The following MYH9 variants were observed in gnomAD, a reference collection of about 807,000 sequenced individuals.
MYH9 encodes the protein myosin-9.
Under a neutral mutation model 241.9 loss-of-function variants are expected in MYH9, and 29 were observed. The observed-to-expected ratio is 0.12, with a 90% CI of 0.09 to 0.16. MYH9 has a LOEUF of 0.16. MYH9 is among the 10% of genes least tolerant of loss of function. The probability of loss-of-function intolerance (pLI) is 1.00; values close to 1 mark genes in which losing one functional copy is unlikely to be tolerated. For missense variants in MYH9, 1,803 were observed against 2,595.5 expected, an observed-to-expected ratio of 0.69 and a Z score of 6.63; for synonymous variants, 1,047 against 1,062.6, an observed-to-expected ratio of 0.99 and a Z score of 0.29.
Position 36,295,214 on chromosome 22 carries a change from A to G in MYH9, c.3486-138T>C, listed in dbSNP as rs2016769871. ...GCTTTTCTACCCACCGGCCCCTCCT[A>G]GCCATCTATCCCATAGCCCAGGCTC... On this transcript the variant is annotated intron_variant, in intron 26 of 40. Transcript: ENST00000216181. The surrounding 1 kb of genome is among the most constrained non-coding windows in gnomAD (Gnocchi z 4.1). The G allele has an allele frequency of 1.1e-5, 13 of 1,180,704 alleles. No homozygotes were observed. The allele number at this position is 1,180,704 out of a possible 1,614,324, so 73.1% of individuals were successfully genotyped here.
chr22:36,360,656 T>C (rs2017923287), intron 1 of MYH9, among the ~76,000 whole-genome samples: 1 of 147,560 alleles, frequency 6.8e-6, no homozygotes, highest in African/African-American at 2.5e-5. Context: ...GAGCTTGCAG[T>C]GAGCCGAGAT....
chr22:36,307,074 T>A (rs1283118673), intron 15 of MYH9, among the ~76,000 whole-genome samples: 1 of 151,802 alleles, frequency 6.6e-6, no homozygotes. Context: ...ATAAGAGCAC[T>A]CGGCTGGGAG....
At chr22:36,304,385 C>T (rs2016936750) in intron 18 of MYH9, among the ~76,000 whole-genome samples, 1 of 152,206 alleles carries the variant, frequency 6.6e-6, no homozygotes, top group Non-Finnish European at 1.5e-5. Flanking sequence ...TTCTCTTTTC[C>T]TCCCACCAAC....
In MYH9 at chr22:36,305,135, C is replaced by T. The variant is rs374658709; in HGVS notation, c.2160-33G>A. 13 of 1,565,764 alleles carry T rather than the reference C, an allele frequency of 8.3e-6. No individual in the cohort carries two copies. Among genetic ancestry groups the T allele is most frequent in the Non-Finnish European group, 9.7e-6 (11 of 1,136,074 alleles). ...AGGAAAGAGAAGCCTGGTCATTTTA[C>T]CCATTGCCTCGATTCCACATGCCTG... is the stretch of plus-strand genomic sequence containing the variant. On this transcript the variant is annotated intron_variant, in intron 17 of 40. Transcript: ENST00000216181. The surrounding 1 kb of genome is among the most constrained non-coding windows in gnomAD (Gnocchi z 4.7).
At chr22:36,286,926 A>G (rs539389520) in intron 34 of MYH9, 80 bp from the exon 35 acceptor site, 8 of 1,589,336 alleles carry the variant, frequency 5.0e-6, no homozygotes, top group Admixed American at 1.7e-5. Flanking sequence ...CCTCGCCAAC[A>G]GGGCTCATGG....
chr22:36,286,992 A>G, intron 34 of MYH9, 146 bp from the exon 35 acceptor site: 1 of 1,119,808 alleles, frequency 8.9e-7, no homozygotes, highest in Admixed American at 1.9e-5. Context: ...CAGGGCAAAA[A>G]GGCAACTAAA....
chr22:36,326,327 A>C (rs986555355), intron 5 of MYH9, among the ~76,000 whole-genome samples: 7 of 152,198 alleles, frequency 4.6e-5, no homozygotes, highest in Admixed American at 2.6e-4. Flanking sequence ...AAACTCCAGG[A>C]CCTCGCCAGT....
In MYH9 at chr22:36,320,656, A is replaced by G. The variant is rs2017235251; in HGVS notation, c.868+142T>C. On this transcript the variant is annotated intron_variant, in intron 8 of 40. Transcript: ENST00000216181. This position sits in a 1 kb window ranked among gnomAD's most constrained non-coding sequence, Gnocchi z 4.8. ...GAAGACCAAGTCCTTAGGATGGCGC[A>G]GAGAACAGGAGTCACTCTCACTTCT... 3.9e-6 allele frequency: 3 copies of G among 761,248 alleles called. No homozygotes were observed. Among genetic ancestry groups the G allele is most frequent in the African/African-American group, 1.7e-5 (1 of 57,502 alleles). The allele number at this position is 761,248 out of a possible 1,614,324, so 47.2% of individuals were successfully genotyped here.
intron 3 of MYH9, among the ~76,000 whole-genome samples, chr22:36,333,495 C>T (rs1286490992): frequency 1.3e-5 from 2 of 152,190 alleles, no homozygotes; most frequent in Non-Finnish European, 2.9e-5. Context: ...CCCATCAGTA[C>T]TGTCTGTTTG....
intron 1 of MYH9, among the ~76,000 whole-genome samples, chr22:36,380,256 G>A (rs191433692): frequency 3.9e-5 from 6 of 152,318 alleles, no homozygotes; most frequent in African/African-American, 4.8e-5. Context: ...CATCCAAGGC[G>A]AAAGACAGCC....
chr22:36,290,238 G>A (rs952216118), intron 31 of MYH9, among the ~76,000 whole-genome samples: 6 of 150,408 alleles, frequency 4.0e-5, no homozygotes, highest in South Asian at 4.2e-4. Flanking sequence ...GGTGGTGCAC[G>A]CCTGTGGTCC....
Position 36,282,539 on chromosome 22 carries a change from G to C in MYH9, c.*129C>G. 1.1e-6 allele frequency: 1 copy of C among 893,290 alleles called. No homozygotes were observed. The highest frequency in any genetic ancestry group is 1.9e-6 in the Non-Finnish European group (1 of 534,500). 55.3% of individuals were successfully genotyped at this position (893,290 alleles called of 1,614,324 possible). A position where few individuals can be genotyped will look rare whatever the true frequency, so the allele number is the denominator to read the frequency against. ...TGGAGGGAAACGGGATGGGGGGACG[G>C]GGCGGAGGGCAGGAGGAGGCATGTT... On this transcript the variant is annotated 3_prime_UTR_variant, in exon 41 of 41. Coordinates refer to ENST00000216181, the MANE Select transcript of MYH9 (RefSeq NM_002473.6).
intron 1 of MYH9, among the ~76,000 whole-genome samples, chr22:36,384,635 T>A (rs2018319968): frequency 7.3e-5 from 7 of 96,230 alleles, no homozygotes; most frequent in African/African-American, 1.1e-4. Flanking sequence ...TATATATATA[T>A]ATATATATAT....
chr22:36,327,012 T>C (rs111793385), intron 4 of MYH9, among the ~76,000 whole-genome samples: 4 of 152,350 alleles, frequency 2.6e-5, no homozygotes, highest in African/African-American at 9.6e-5. Flanking sequence ...CTTAAAGGAA[T>C]GTTCTGTGCC....
chr22:36,317,750 G>A (rs576556440), intron 11 of MYH9, among the ~76,000 whole-genome samples: 8 of 152,368 alleles, frequency 5.3e-5, no homozygotes, highest in East Asian at 3.9e-4. Context: ...AGGAGCAAGC[G>A]CTGCTGCTCG....
intron 1 of MYH9, among the ~76,000 whole-genome samples, chr22:36,351,871 G>A (rs1235767287): frequency 6.6e-6 from 1 of 151,948 alleles, no homozygotes; most frequent in Non-Finnish European, 1.5e-5. Flanking sequence ...TGCCCCTCAC[G>A]AGACTCCTAC....
At chr22:36,380,532 G>A (rs1419730218) in intron 1 of MYH9, among the ~76,000 whole-genome samples, 2 of 152,206 alleles carry the variant, frequency 1.3e-5, no homozygotes, top group African/African-American at 4.8e-5. Context: ...CCTGAGGTCA[G>A]GAGTTCGAGA....
intron 40 of MYH9, 133 bp downstream of exon 40, chr22:36,283,960 G>T: frequency 9.2e-7 from 1 of 1,083,766 alleles, no homozygotes; most frequent in Non-Finnish European, 1.4e-6. Context: ...CAAGGAGCCA[G>T]AAGGGGCAGG....
chr22:36,307,262 C>T (rs767791271), intron 15 of MYH9, among the ~76,000 whole-genome samples: 1 of 152,132 alleles, frequency 6.6e-6, no homozygotes, highest in Non-Finnish European at 1.5e-5. Flanking sequence ...TCCTGGTGCA[C>T]GGGTCTTTCT....
Sources: gnomAD v4.1 joint callset for allele counts (sites outside exome capture counted in the v4.1 genomes callset) on GRCh38, gnomAD v4.1.1 for gene constraint, Gnocchi (gnomAD v3.1) non-coding constraint, MANE v1.5 for transcripts, NCBI Gene and HGNC (gene_info 2026-07-23, HGNC 2026-07-21) for gene names.